Variants in TUNAR observed in about 807,000 individuals in gnomAD.
TUNAR encodes protein TUNAR.
intron 2 of TUNAR, among the ~76,000 whole-genome samples, chr14:95,891,488 G>T (rs1417330666): frequency 6.6e-6 from 1 of 152,214 alleles, no homozygotes; most frequent in East Asian, 1.9e-4. Context: ...ATAGGGCAAG[G>T]CTTACTGGCC....
chr14:95,913,441 G>A (rs562414791), intron 2 of TUNAR, among the ~76,000 whole-genome samples: 1 of 152,210 alleles, frequency 6.6e-6, no homozygotes, highest in South Asian at 2.1e-4. Flanking sequence ...TCCTGTGTTA[G>A]TTTGCTGAGA....
chr14:95,905,507 A>G (rs774592207), intron 2 of TUNAR, among the ~76,000 whole-genome samples: 1 of 152,176 alleles, frequency 6.6e-6, no homozygotes, highest in Non-Finnish European at 1.5e-5. Flanking sequence ...TTTGGCAAGA[A>G]TCCCACAGAG....
At chr14:95,884,504 A>G (rs1889038527) in intron 2 of TUNAR, among the ~76,000 whole-genome samples, 1 of 152,162 alleles carries the variant, frequency 6.6e-6, no homozygotes, top group Non-Finnish European at 1.5e-5. Context: ...TCTTAAACCC[A>G]CTTGGGCAAA....
intron 2 of TUNAR, among the ~76,000 whole-genome samples, chr14:95,897,753 A>G (rs1889289278): frequency 6.6e-6 from 1 of 152,324 alleles, no homozygotes; most frequent in Admixed American, 6.5e-5. Flanking sequence ...TCCCGCCTAC[A>G]CAATGTCATT....
chr14:95,922,693 G>A (rs1394173605), intron 2 of TUNAR, 88 bp from the exon 2 acceptor site: 1 of 397,030 alleles, frequency 2.5e-6, no homozygotes, highest in Non-Finnish European at 4.4e-6. Flanking sequence ...TGACCTGCAA[G>A]CAGATCACTA....
At chr14:95,922,117 G>A (rs1315909847) in intron 2 of TUNAR, among the ~76,000 whole-genome samples, 1 of 152,214 alleles carries the variant, frequency 6.6e-6, no homozygotes, top group Non-Finnish European at 1.5e-5. Context: ...CAGGTGCCCA[G>A]TGGTAGAATA....
intron 2 of TUNAR, among the ~76,000 whole-genome samples, chr14:95,883,965 A>G (rs966067958): frequency 2.0e-5 from 3 of 152,102 alleles, no homozygotes; most frequent in African/African-American, 4.8e-5. Flanking sequence ...GTGGTGTTCA[A>G]GAAGCACTGG....
chr14:95,924,474 A>G (rs899594489), exon 3 of TUNAR: 14 of 152,264 alleles, frequency 9.2e-5, no homozygotes, highest in African/African-American at 3.4e-4. Context: ...TGCCATTGCC[A>G]GCTGTATTAG....
rs138138502 is a variant in TUNAR, at chr14:95,891,849, C to G, written c.12+14672C>G. On this transcript the variant is annotated intron_variant, in intron 2 of 2. Coordinates refer to ENST00000678517, the Ensembl canonical transcript of TUNAR. ...CATCGGAAGGCTCCAGGGCAGGATC[C>G]CTGTCTCCTCCCGGTTGCTGGTGGT... Among the ~76,000 whole-genome samples the G allele has an allele frequency of 6.1e-4, 93 of 152,266 alleles. 1 individual carries two copies. In the East Asian group the frequency reaches 0.015, roughly 24 times the overall value.
chr14:95,922,836 A>G (rs7160831), exon 3 of TUNAR: 80,125 of 398,916 alleles, frequency 0.2, 12,937 homozygotes, highest in African/African-American at 0.59. Flanking sequence ...ATCACTAGTG[A>G]AAATGATGAA....
intron 2 of TUNAR, among the ~76,000 whole-genome samples, chr14:95,922,499 G>C (rs183970133): frequency 5.9e-5 from 9 of 152,328 alleles, no homozygotes; most frequent in African/African-American, 9.6e-5. Flanking sequence ...TCAAGGGAAG[G>C]GGGGAAAACC....
chr14:95,882,598 A>G (rs1888997617), intron 2 of TUNAR, among the ~76,000 whole-genome samples: 1 of 152,234 alleles, frequency 6.6e-6, no homozygotes, highest in African/African-American at 2.4e-5. Context: ...GCAGACCTGC[A>G]TTTTTGAAAC....
At chr14:95,917,666 T>C (rs1167006441) in intron 2 of TUNAR, among the ~76,000 whole-genome samples, 1 of 152,214 alleles carries the variant, frequency 6.6e-6, no homozygotes, top group Non-Finnish European at 1.5e-5. Flanking sequence ...TTGGTCTGCT[T>C]TTATGTCTTT....
intron 2 of TUNAR, among the ~76,000 whole-genome samples, chr14:95,919,256 A>G (rs1407114197): frequency 2.0e-5 from 3 of 152,256 alleles, no homozygotes; most frequent in Admixed American, 6.5e-5. Context: ...CACTAATGTC[A>G]AACGTATGCG....
intron 2 of TUNAR, among the ~76,000 whole-genome samples, chr14:95,883,929 T>C (rs1889024245): frequency 6.6e-6 from 1 of 152,074 alleles, no homozygotes; most frequent in Non-Finnish European, 1.5e-5. Flanking sequence ...TTAACATGCT[T>C]CCAGGTCGCT....
intron 2 of TUNAR, among the ~76,000 whole-genome samples, chr14:95,915,220 T>C (rs986311303): frequency 6.6e-6 from 1 of 152,214 alleles, no homozygotes; most frequent in African/African-American, 2.4e-5. Context: ...ATGCAACAGA[T>C]ACTGGTAAGA....
chr14:95,881,890 AG>A (rs1424636172), intron 2 of TUNAR, among the ~76,000 whole-genome samples: 3 of 152,214 alleles, frequency 2.0e-5, no homozygotes, highest in Non-Finnish European at 4.4e-5. Flanking sequence ...AACGATACTC[AG>A]GCTGGGTTTC....
chr14:95,893,873 T>A (rs980168304), intron 2 of TUNAR, among the ~76,000 whole-genome samples: 1 of 152,262 alleles, frequency 6.6e-6, no homozygotes, highest in Non-Finnish European at 1.5e-5. Flanking sequence ...GTGGCTGCAC[T>A]ATGTGGGCAC....
At chr14:95,889,083 G>C (rs972414578) in intron 2 of TUNAR, among the ~76,000 whole-genome samples, 3 of 152,230 alleles carry the variant, frequency 2.0e-5, no homozygotes, top group Middle Eastern at 6.8e-3. Flanking sequence ...TGCGAGTCCA[G>C]CTGCTGCTTC....
Sources: gnomAD v4.1 joint callset for allele counts (sites outside exome capture counted in the v4.1 genomes callset) on GRCh38, gnomAD v4.1.1 for gene constraint, MANE v1.5 for transcripts, NCBI Gene and HGNC (gene_info 2026-07-23, HGNC 2026-07-21) for gene names.